Variants in RALGPS2 observed in about 807,000 individuals in gnomAD.
RALGPS2 encodes Ral GEF with PH domain and SH3 binding motif 2.
RALGPS2 carries 43 observed loss-of-function variants against 86.8 expected under a neutral mutation model. That is an observed-to-expected ratio of 0.50 (90% CI 0.39 to 0.64). The LOEUF is 0.64. Among genes scored for constraint, RALGPS2 ranks in the 30% least tolerant of loss-of-function variants. The pLI is 0.00. For synonymous variants in RALGPS2, 243 were observed against 231.3 expected, an observed-to-expected ratio of 1.05 and a Z score of -0.46; for missense variants, 536 against 694.6, an observed-to-expected ratio of 0.77 and a Z score of 2.57.
In RALGPS2 at chr1:178,811,083, T is replaced by C. The variant is rs577184442; in HGVS notation, c.298-232T>C. 3.9e-5 allele frequency among the ~76,000 whole-genome samples: 6 copies of C among 152,234 alleles called. No individual in the cohort carries two copies. The South Asian group carries it at 8.3e-4, about 21-fold the overall frequency. ...AGATATATATTTTTTTCTTTTGATA[T>C]TTTATTTACACCAAGAAAACCCTAC... On this transcript the variant is annotated intron_variant, in intron 5 of 19. Coordinates refer to ENST00000367635, the MANE Select transcript of RALGPS2 (RefSeq NM_152663.5).
intron 1 of RALGPS2, among the ~76,000 whole-genome samples, chr1:178,744,629 C>T (rs1651206215): frequency 6.6e-6 from 1 of 151,900 alleles, no homozygotes; most frequent in Non-Finnish European, 1.5e-5. Context: ...GCCTGGCCAA[C>T]ATGGTGAAAC....
chr1:178,759,889 T>C (rs182452967), intron 1 of RALGPS2, among the ~76,000 whole-genome samples: 1 of 152,306 alleles, frequency 6.6e-6, no homozygotes, highest in East Asian at 1.9e-4. Flanking sequence ...TTCAGATTGT[T>C]CACTGTTAGC....
At chr1:178,900,994 T>TA (rs1558178599) in intron 17 of RALGPS2, among the ~76,000 whole-genome samples, 1 of 152,080 alleles carries the variant, frequency 6.6e-6, no homozygotes, top group Non-Finnish European at 1.5e-5. Context: ...CGAAGTACAT[T>TA]ATGAGCTGTC....
intron 8 of RALGPS2, among the ~76,000 whole-genome samples, chr1:178,856,291 AG>A (rs1392520371): frequency 7.2e-6 from 1 of 139,302 alleles, no homozygotes; most frequent in Non-Finnish European, 1.5e-5. Context: ...GCAGTGGTGT[AG>A]TCATAGCTCA....
intron 1 of RALGPS2, among the ~76,000 whole-genome samples, chr1:178,733,203 T>C (rs1650494845): frequency 6.6e-6 from 1 of 152,168 alleles, no homozygotes; most frequent in African/African-American, 2.4e-5. Context: ...CAAAAAGTAC[T>C]AACCAGAAAA....
chr1:178,756,345 G>T (rs139793476), intron 1 of RALGPS2, among the ~76,000 whole-genome samples: 2 of 152,178 alleles, frequency 1.3e-5, no homozygotes, highest in Non-Finnish European at 1.5e-5. Flanking sequence ...TATGGTAAAA[G>T]GTAGGGGTAT....
chr1:178,793,669 T>C (rs1654062296), intron 4 of RALGPS2, among the ~76,000 whole-genome samples: 1 of 152,162 alleles, frequency 6.6e-6, no homozygotes, highest in African/African-American at 2.4e-5. Context: ...TTCACTGGTA[T>C]CTCTAGCACC....
chr1:178,803,309 T>C (rs573209474), intron 4 of RALGPS2, among the ~76,000 whole-genome samples: 117 of 152,330 alleles, frequency 7.7e-4, no homozygotes, highest in African/African-American at 2.5e-3. Flanking sequence ...TAATGGAGTT[T>C]GACTTCTTTG....
At chr1:178,866,632 T>C (rs964124288) in intron 8 of RALGPS2, among the ~76,000 whole-genome samples, 2 of 152,146 alleles carry the variant, frequency 1.3e-5, no homozygotes, top group African/African-American at 2.4e-5. Context: ...TTGTCTGTAA[T>C]TGAATATGAA....
intron 8 of RALGPS2, among the ~76,000 whole-genome samples, chr1:178,867,189 G>C (rs759257829): frequency 6.6e-6 from 1 of 152,034 alleles, no homozygotes; most frequent in Non-Finnish European, 1.5e-5. Context: ...TTTATTGAGT[G>C]CTTGTTCAGT....
intron 13 of RALGPS2, among the ~76,000 whole-genome samples, chr1:178,887,559 C>A (rs956883984): frequency 6.6e-6 from 1 of 152,148 alleles, no homozygotes; most frequent in African/African-American, 2.4e-5. Flanking sequence ...TGTTCAAGGA[C>A]TAAGCCTATT....
chr1:178,902,711 T>C (rs1660227263), intron 18 of RALGPS2, among the ~76,000 whole-genome samples: 1 of 152,130 alleles, frequency 6.6e-6, no homozygotes, highest in African/African-American at 2.4e-5. Context: ...ACCAATATTC[T>C]GCAGTCTTAT....
At chr1:178,736,162 G>A (rs990495081) in intron 1 of RALGPS2, among the ~76,000 whole-genome samples, 4 of 147,170 alleles carry the variant, frequency 2.7e-5, no homozygotes, top group African/African-American at 1.0e-4. Context: ...TAATTTGTGG[G>A]TTGTTTTTTT....
rs534778042 is a variant in RALGPS2, at chr1:178,899,504, G to T, written c.1524+1748G>T. The stretch of plus-strand genomic sequence containing the variant: ...TAAATGGAAGAAAAAAATTTTAATC[G>T]TTTTCAAATAAAGTTAGAATACAAA... On this transcript the variant is annotated intron_variant, in intron 17 of 19. Transcript: ENST00000367635. Among the ~76,000 whole-genome samples, 193 of 151,710 alleles carry T rather than the reference G, an allele frequency of 1.3e-3. 2 individuals carry two copies. Among genetic ancestry groups the T allele is most frequent in the African/African-American group, 4.3e-3 (177 of 41,466 alleles).
intron 1 of RALGPS2, among the ~76,000 whole-genome samples, chr1:178,764,146 C>A (rs1251408957): frequency 1.0e-5 from 1 of 98,416 alleles, no homozygotes; most frequent in African/African-American, 5.2e-5. Flanking sequence ...TCTGGCTGCT[C>A]CTGTTTTGGG....
intron 18 of RALGPS2, 37 bp from the exon 19 acceptor site, chr1:178,906,738 CA>C: frequency 1.3e-6 from 2 of 1,525,108 alleles, no homozygotes; most frequent in Non-Finnish European, 1.8e-6. Flanking sequence ...GTCGTCCTTA[CA>C]TTTTTAATAT....
chr1:178,898,531 G>T (rs1408426355), intron 17 of RALGPS2, among the ~76,000 whole-genome samples: 1 of 151,806 alleles, frequency 6.6e-6, no homozygotes, highest in African/African-American at 2.4e-5. Context: ...GAACATTTTT[G>T]GTTTAAATGA....
intron 2 of RALGPS2, among the ~76,000 whole-genome samples, chr1:178,778,534 C>G (rs1291641003): frequency 6.8e-4 from 38 of 55,978 alleles, no homozygotes; most frequent in African/African-American, 2.6e-3. Flanking sequence ...CCCAGCCATC[C>G]CATTACTGGG....
intron 4 of RALGPS2, among the ~76,000 whole-genome samples, chr1:178,797,324 A>C (rs1258588026): frequency 6.6e-6 from 1 of 150,788 alleles, no homozygotes; most frequent in African/African-American, 2.4e-5. Context: ...TTTTTTTTTT[A>C]ATCACAGAGA....
Sources: gnomAD v4.1 joint callset for allele counts (sites outside exome capture counted in the v4.1 genomes callset) on GRCh38, gnomAD v4.1.1 for gene constraint, MANE v1.5 for transcripts, NCBI Gene and HGNC (gene_info 2026-07-23, HGNC 2026-07-21) for gene names.